Variants in ARHGAP32 observed in about 807,000 individuals in gnomAD.
ARHGAP32 encodes rho GTPase-activating protein 32.
A neutral mutation model predicts 186.5 loss-of-function variants in ARHGAP32; 51 were observed. The ratio of observed to expected loss-of-function variants is 0.27; its 90% CI spans 0.22 to 0.35. The LOEUF is 0.35. ARHGAP32 is among the 10% of genes least tolerant of loss of function. ARHGAP32 has a pLI of 1.00. For synonymous variants in ARHGAP32, 950 were observed against 964.3 expected, an observed-to-expected ratio of 0.99 and a Z score of 0.27; for missense variants, 2,186 against 2,623.5, an observed-to-expected ratio of 0.83 and a Z score of 3.64.
At chr11:129,086,702 T>A (rs1208741556) in intron 6 of ARHGAP32, among the ~76,000 whole-genome samples, 13 of 151,354 alleles carry the variant, frequency 8.6e-5, no homozygotes, top group Admixed American at 8.6e-4. Context: ...GCGCCTGTAG[T>A]CCCAGCTACT....
chr11:128,997,782 C>T (rs1946241309), intron 12 of ARHGAP32, among the ~76,000 whole-genome samples: 1 of 152,056 alleles, frequency 6.6e-6, no homozygotes, highest in Admixed American at 6.6e-5. Context: ...TGGCACATGC[C>T]TGTAGTCCCA....
intron 2 of ARHGAP32, among the ~76,000 whole-genome samples, chr11:129,148,443 G>T (rs1943217307): frequency 6.6e-6 from 1 of 152,288 alleles, no homozygotes; most frequent in South Asian, 2.1e-4. Context: ...GCAGTGAGAG[G>T]AAGTGACTTG....
intron 1 of ARHGAP32, among the ~76,000 whole-genome samples, chr11:129,205,973 T>C (rs894966918): frequency 8.5e-5 from 13 of 152,092 alleles, no homozygotes; most frequent in Non-Finnish European, 1.6e-4. Context: ...TATCTATTAC[T>C]CAGCTTTAAC....
intron 1 of ARHGAP32, among the ~76,000 whole-genome samples, chr11:129,171,717 G>T (rs1158166704): frequency 1.3e-5 from 2 of 152,188 alleles, no homozygotes; most frequent in African/African-American, 4.8e-5. Context: ...AATGTCAATG[G>T]TAGCTTGATG....
At chr11:129,185,597 A>G (rs1261825328) in intron 1 of ARHGAP32, among the ~76,000 whole-genome samples, 1 of 152,208 alleles carries the variant, frequency 6.6e-6, no homozygotes, top group African/African-American at 2.4e-5. Flanking sequence ...AACTTAAAGT[A>G]TAATAATAAT....
At chr11:129,170,635 A>G (rs1327333878) in intron 1 of ARHGAP32, among the ~76,000 whole-genome samples, 1 of 152,180 alleles carries the variant, frequency 6.6e-6, no homozygotes, top group Admixed American at 6.5e-5. Flanking sequence ...GTGCTGCAAT[A>G]AACATATGTG....
At chr11:129,271,457 G>C (rs923863204) in intron 1 of ARHGAP32, among the ~76,000 whole-genome samples, 1 of 152,072 alleles carries the variant, frequency 6.6e-6, no homozygotes, top group Admixed American at 6.6e-5. Flanking sequence ...AAGACTTGGG[G>C]GAGGTAGAGG....
chr11:129,207,454 C>T lies in ARHGAP32; in HGVS notation c.-4-43027G>A, dbSNP rs147264960. Among the ~76,000 whole-genome samples the T allele has an allele frequency of 4.6e-3, 706 of 152,312 alleles. 7 individuals carry two copies. Among genetic ancestry groups the T allele is most frequent in the African/African-American group, 0.016 (663 of 41,572 alleles). ...TTCTAACTAGCATGAGATGGTATCT[C>T]ACTGTGGTTTTGATTTGCATTTCTC... On this transcript the variant is annotated intron_variant, in intron 1 of 6. Transcript: ENST00000525234.
At chr11:128,985,362 GA>G (rs58575046) in intron 15 of ARHGAP32, among the ~76,000 whole-genome samples, 16,916 of 148,796 alleles carry the variant, frequency 0.11, 1,209 homozygotes, top group Non-Finnish European at 0.16. Flanking sequence ...ATGTCATTTT[GA>G]AAAAAAAAAT....
chr11:129,081,523 T>C (rs557539012), intron 6 of ARHGAP32, among the ~76,000 whole-genome samples: 2 of 152,138 alleles, frequency 1.3e-5, no homozygotes, highest in East Asian at 3.9e-4. Flanking sequence ...ATCATCTCAA[T>C]AGACACAGCA....
chr11:129,114,257 T>G (rs554937627), intron 5 of ARHGAP32, among the ~76,000 whole-genome samples: 4 of 152,254 alleles, frequency 2.6e-5, no homozygotes, highest in African/African-American at 9.6e-5. Flanking sequence ...GTCTGTACTA[T>G]TTTTCCTTGG....
chr11:129,088,115 A>G (rs1031978574), intron 6 of ARHGAP32, among the ~76,000 whole-genome samples: 1 of 152,200 alleles, frequency 6.6e-6, no homozygotes, highest in East Asian at 1.9e-4. Flanking sequence ...CAAAAAGTCT[A>G]ATCTTTTATA....
intron 1 of ARHGAP32, among the ~76,000 whole-genome samples, chr11:129,186,245 T>C (rs1274672322): frequency 6.6e-6 from 1 of 152,206 alleles, no homozygotes. Flanking sequence ...TTGTGTACTC[T>C]AGGGCCTTTC....
intron 2 of ARHGAP32, among the ~76,000 whole-genome samples, chr11:129,137,449 A>C (rs979200502): frequency 6.6e-5 from 10 of 152,026 alleles, no homozygotes; most frequent in Non-Finnish European, 1.3e-4. Context: ...AAATGAACTT[A>C]ATTATAAGTT....
chr11:129,264,534 G>T (rs12270819), intron 1 of ARHGAP32, among the ~76,000 whole-genome samples: 3,262 of 152,276 alleles, frequency 0.021, 60 homozygotes, highest in African/African-American at 0.048. Flanking sequence ...AATAACAGTA[G>T]CTGTTGGTAA....
chr11:129,138,596 T>C (rs1942986480), intron 2 of ARHGAP32, among the ~76,000 whole-genome samples: 2 of 152,164 alleles, frequency 1.3e-5, no homozygotes, highest in African/African-American at 4.8e-5. Flanking sequence ...AGTGCTAATA[T>C]TGACTGGGTA....
chr11:129,267,174 A>G (rs1026747493), intron 1 of ARHGAP32, among the ~76,000 whole-genome samples: 1 of 152,158 alleles, frequency 6.6e-6, no homozygotes, highest in Admixed American at 6.5e-5. Context: ...AACCTGGCCA[A>G]CATGGTGAAA....
rs908631205 is a variant in ARHGAP32 at position 128,965,864 on chromosome 11, G to A, written c.*3043C>T. The A allele has an allele frequency of 5.9e-5, 9 of 152,080 alleles. No homozygotes were observed. The highest frequency in any genetic ancestry group is 5.2e-4 in the Admixed American group (8 of 15,278). The allele number at this position is 152,080 out of a possible 1,614,324, so 9.4% of individuals were successfully genotyped here. A position where few individuals can be genotyped will look rare whatever the true frequency, so the allele number is the denominator to read the frequency against. On this transcript the variant is annotated 3_prime_UTR_variant, in exon 23 of 23. Coordinates refer to ENST00000682385, the MANE Select transcript of ARHGAP32 (RefSeq NM_001378024.1). Reference sequence around the variant, plus strand: ...TCCAAATGTGGTAACCTACTCCTCCGTCCCCACTCACGTTAGTTAACAGTC... The same window carrying A: ...TCCAAATGTGGTAACCTACTCCTCCATCCCCACTCACGTTAGTTAACAGTC...
chr11:129,086,987 T>A (rs542817869), intron 6 of ARHGAP32, among the ~76,000 whole-genome samples: 1 of 152,100 alleles, frequency 6.6e-6, no homozygotes, highest in Non-Finnish European at 1.5e-5. Flanking sequence ...GTTAATAGCA[T>A]ATAAAAATGC....
Sources: gnomAD v4.1 joint callset for allele counts (sites outside exome capture counted in the v4.1 genomes callset) on GRCh38, gnomAD v4.1.1 for gene constraint, MANE v1.5 for transcripts, NCBI Gene and HGNC (gene_info 2026-07-23, HGNC 2026-07-21) for gene names.